DNAJB1: variants seen among roughly 807,000 people sequenced by gnomAD.
DNAJB1 encodes DnaJ heat shock protein family (Hsp40) member B1, also known as dnaJ homolog subfamily B member 1.
DNAJB1 carries 14 observed loss-of-function variants against 24.0 expected under a neutral mutation model. The ratio of observed to expected loss-of-function variants is 0.58; its 90% CI spans 0.39 to 0.91. The LOEUF (loss-of-function observed/expected upper bound fraction) is 0.91, where lower values mean the gene tolerates loss of function less well. Among genes scored for constraint, DNAJB1 ranks in the 40% least tolerant of loss-of-function variants. The pLI is 0.00. For missense variants in DNAJB1, 517 were observed against 458.1 expected, an observed-to-expected ratio of 1.13 and a Z score of -1.17; for synonymous variants, 262 against 174.4, an observed-to-expected ratio of 1.50 and a Z score of -3.96.
At position 14,543,417 on chromosome 19, in the gene DNAJB1, ATATTTTTTTTTTTTTTTTTTTTTTT is replaced by A. The variant is rs1174595485; in HGVS notation, c.-214+6766_-214+6790del. Among the ~76,000 whole-genome samples the A allele has an allele frequency of 6.7e-3, 67 of 9,996 alleles. 4 individuals are homozygous for A. In the South Asian group the frequency reaches 0.23, roughly 34 times the overall value. 6.6% of individuals were successfully genotyped at this position (9,996 alleles called of 152,430 possible). The stretch of plus-strand genomic sequence containing the variant: ...TATATATATATATATATATATATAT[ATATTTTTTTTTTTTTTTTTTTTTTT>A]TTTTTTTTTTTTTTGAGACGGAGTC... On this transcript the variant is annotated intron_variant, in intron 1 of 3. Transcript: ENST00000676982.
At chr19:14,540,637 C>T (rs2073066687) in intron 1 of DNAJB1, among the ~76,000 whole-genome samples, 1 of 152,004 alleles carries the variant, frequency 6.6e-6, no homozygotes, top group African/African-American at 2.4e-5. Flanking sequence ...AGTGATCCAC[C>T]TGCCTGGGCC....
upstream of DNAJB1, among the ~76,000 whole-genome samples, chr19:14,554,249 G>T (rs912965161): frequency 3.3e-5 from 5 of 152,190 alleles, no homozygotes; most frequent in African/African-American, 1.2e-4. Context: ...GGCAGTTCCA[G>T]CCCCGGGCAG....
In DNAJB1 at chr19:14,515,745, C is replaced by T. The variant is rs1449015669; in HGVS notation, c.*195G>A. 22 of 566,772 alleles carry T rather than the reference C, an allele frequency of 3.9e-5. No homozygotes were observed. The highest frequency in any genetic ancestry group is 6.4e-5 in the Non-Finnish European group (21 of 330,080). The allele number at this position is 566,772 out of a possible 1,614,324, so 35.1% of individuals were successfully genotyped here. ...TTCCTGCTGTTCCCACCACCTGATG[C>T]CCTATAGCTCGAAAAACCACTGAAG... On this transcript the variant is annotated 3_prime_UTR_variant, in exon 3 of 3. Transcript: ENST00000254322.
intron 1 of DNAJB1, among the ~76,000 whole-genome samples, chr19:14,539,846 C>T (rs556780876): frequency 5.3e-5 from 8 of 151,576 alleles, no homozygotes; most frequent in African/African-American, 1.9e-4. Context: ...TCATCTCCTT[C>T]GCAGCCCATC....
intron 1 of DNAJB1, among the ~76,000 whole-genome samples, chr19:14,535,584 A>ATATGTATATG (rs1555729582): frequency 2.6e-5 from 1 of 38,594 alleles, no homozygotes; most frequent in African/African-American, 9.4e-5. Context: ...ATATATATAT[A>ATATGTATATG]TATATGTATG....
intron 1 of DNAJB1, among the ~76,000 whole-genome samples, chr19:14,544,489 G>C (rs191207557): frequency 1.5e-3 from 221 of 152,226 alleles, no homozygotes; most frequent in African/African-American, 5.1e-3. Context: ...GCATGATCTC[G>C]GGGTGTGCGG....
chr19:14,538,371 G>C (rs2072978484), intron 1 of DNAJB1, among the ~76,000 whole-genome samples: 2 of 152,088 alleles, frequency 1.3e-5, no homozygotes, highest in Admixed American at 1.3e-4. Context: ...GGCCTGTGGG[G>C]GAGTGTGAAG....
intron 1 of DNAJB1, among the ~76,000 whole-genome samples, chr19:14,542,524 G>C (rs2073140759): frequency 6.6e-6 from 1 of 151,350 alleles, no homozygotes; most frequent in African/African-American, 2.4e-5. Context: ...ACCACTCCCG[G>C]CTAATTTTTT....
At chr19:14,542,731 C>T (rs1201467264) in intron 1 of DNAJB1, among the ~76,000 whole-genome samples, 2 of 152,060 alleles carry the variant, frequency 1.3e-5, no homozygotes, top group Admixed American at 6.6e-5. Flanking sequence ...CCGTGGATTG[C>T]GTGTGGGGCT....
chr19:14,554,534 T>G (rs2073651037), upstream of DNAJB1, among the ~76,000 whole-genome samples: 3 of 152,178 alleles, frequency 2.0e-5, no homozygotes, highest in South Asian at 6.3e-4. Flanking sequence ...CAGTCTTGGC[T>G]TGTTTGTGAA....
rs2072250954 is a variant in DNAJB1, at chr19:14,515,987, T to A, written c.976A>T (p.Ile326Phe). Reference protein sequence around the residue: ...IEFEVIFPERIPQTSRTVLEQ... With the variant: ...IEFEVIFPERFPQTSRTVLEQ... ...AGTACGGTTCTTGATGTCTGGGGAA[T>A]CCTTTCGGGGAAGATCACTTCAAAC... The change falls in exon 3 of 3, where the codon ATT (isoleucine) becomes TTT (phenylalanine). Residue 326 changes from isoleucine to phenylalanine, a missense_variant. Ile to Phe is a conservative substitution (Grantham distance 21, BLOSUM62 0). Transcript: ENST00000254322. The A allele has an allele frequency of 6.2e-7, 1 of 1,610,068 alleles. No individual in the cohort carries two copies.
upstream of DNAJB1, among the ~76,000 whole-genome samples, chr19:14,552,754 T>G (rs1318876087): frequency 6.6e-6 from 1 of 151,816 alleles, no homozygotes; most frequent in Non-Finnish European, 1.5e-5. Flanking sequence ...GCCAGGATGG[T>G]CTTGATCTCC....
intron 1 of DNAJB1, among the ~76,000 whole-genome samples, chr19:14,537,984 GA>G (rs1369183844): frequency 6.6e-6 from 1 of 152,138 alleles, no homozygotes; most frequent in Non-Finnish European, 1.5e-5. Context: ...GACCTCAGGT[GA>G]TCCGCCCAAC....
upstream of DNAJB1, among the ~76,000 whole-genome samples, chr19:14,519,438 T>TC (rs928452695): frequency 2.6e-5 from 4 of 152,162 alleles, no homozygotes; most frequent in African/African-American, 9.7e-5. Context: ...CTCCCAACCG[T>TC]GGGGAGAAGG....
At chr19:14,524,845 C>CAAAAAAAACAAA (rs2072400983) in intron 2 of DNAJB1, among the ~76,000 whole-genome samples, 1 of 112,200 alleles carries the variant, frequency 8.9e-6, no homozygotes, top group African/African-American at 4.1e-5. Context: ...GACTCGTTCT[C>CAAAAAAAACAAA]AAAAAAAAAA....
chr19:14,521,384 G>T (rs960442250), upstream of DNAJB1, among the ~76,000 whole-genome samples: 1 of 151,728 alleles, frequency 6.6e-6, no homozygotes, highest in Non-Finnish European at 1.5e-5. Context: ...GCTTCAACCC[G>T]AGAGGCAGAG....
At chr19:14,558,332 A>G (rs560616942) in intron 1 of DNAJB1, among the ~76,000 whole-genome samples, 66 of 152,034 alleles carry the variant, frequency 4.3e-4, no homozygotes, top group Middle Eastern at 3.2e-3. Flanking sequence ...CTTCATGACC[A>G]CAAAGACAGT....
chr19:14,548,336 C>G (rs2073375631), intron 1 of DNAJB1, among the ~76,000 whole-genome samples: 1 of 152,096 alleles, frequency 6.6e-6, no homozygotes, highest in East Asian at 1.9e-4. Context: ...TTTCCCCACC[C>G]CCTTGGTGGC....
chr19:14,547,354 TA>T (rs2073342330), intron 1 of DNAJB1, among the ~76,000 whole-genome samples: 1 of 101,150 alleles, frequency 9.9e-6, no homozygotes, highest in Non-Finnish European at 2.3e-5. Context: ...TATTTTATTT[TA>T]TTTTATTTTA....
Sources: gnomAD v4.1 joint callset for allele counts (sites outside exome capture counted in the v4.1 genomes callset) on GRCh38, gnomAD v4.1.1 for gene constraint, MANE v1.5 for transcripts, NCBI Gene and HGNC (gene_info 2026-07-23, HGNC 2026-07-21) for gene names.